The following FERMT2 variants were observed in gnomAD, a reference collection of about 807,000 sequenced individuals.
FERMT2 encodes fermitin family homolog 2.
FERMT2 carries 15 observed loss-of-function variants against 82.7 expected under a neutral mutation model. The observed-to-expected ratio is 0.18, with a 90% CI of 0.12 to 0.28. The LOEUF is 0.28. Among genes scored for constraint, FERMT2 ranks in the 10% least tolerant of loss-of-function variants. FERMT2 has a pLI of 1.00. For synonymous variants in FERMT2, 274 were observed against 271.5 expected (o/e 1.01, Z -0.09); for missense variants, 645 against 809.4 (o/e 0.80, Z 2.46).
chr14:52,945,809 A>G (rs1890324107), intron 2 of FERMT2, among the ~76,000 whole-genome samples: 1 of 152,192 alleles, frequency 6.6e-6, no homozygotes, highest in Non-Finnish European at 1.5e-5. Flanking sequence ...GTTTAAAATG[A>G]ATTTTTATAG....
At chr14:52,896,922 G>A (rs115609819) in intron 3 of FERMT2, among the ~76,000 whole-genome samples, 74 of 151,716 alleles carry the variant, frequency 4.9e-4, no homozygotes, top group Middle Eastern at 3.4e-3. Context: ...CCTGAGCCTG[G>A]AAGCTGCAGT....
intron 2 of FERMT2, among the ~76,000 whole-genome samples, chr14:52,939,387 A>C (rs1467840250): frequency 1.3e-5 from 2 of 151,362 alleles, no homozygotes; most frequent in South Asian, 4.2e-4. Context: ...AAAAAAAAAA[A>C]AAACAAAGAA....
chr14:52,876,835 A>C (rs184060626), intron 7 of FERMT2, among the ~76,000 whole-genome samples: 1 of 152,272 alleles, frequency 6.6e-6, no homozygotes, highest in East Asian at 1.9e-4. Context: ...CAGTTTCCTT[A>C]TTCTGGTACT....
chr14:52,910,086 A>C (rs73304366), intron 3 of FERMT2, among the ~76,000 whole-genome samples: 1,883 of 152,248 alleles, frequency 0.012, 39 homozygotes, highest in African/African-American at 0.042. Context: ...AGAGTAAATA[A>C]AAATCCAATC....
Position 52,950,584 on chromosome 14 carries a change from G to C in FERMT2, c.-9-7C>G, listed in dbSNP as rs747105716. ...CCAGAGCCATGGCTCCTTCCTGCGA[G>C]CGCGGAGGAAATGGCTCTCGTAAGC... On this transcript the variant is annotated splice_region_variant and splice_polypyrimidine_tract_variant and intron_variant, in intron 1 of 14. Transcript: ENST00000341590. 2.5e-6 allele frequency: 4 copies of C among 1,610,214 alleles called. No individual in the cohort carries two copies. The highest frequency in any genetic ancestry group is 3.4e-5 in the Admixed American group (2 of 59,594).
At chr14:52,901,335 G>A (rs566371684) in intron 3 of FERMT2, among the ~76,000 whole-genome samples, 1 of 146,928 alleles carries the variant, frequency 6.8e-6, no homozygotes, top group African/African-American at 2.5e-5. Flanking sequence ...GCCAGCCAAT[G>A]ATTACTAGAC....
intron 2 of FERMT2, among the ~76,000 whole-genome samples, chr14:52,944,236 A>C (rs958284480): frequency 1.3e-5 from 2 of 152,236 alleles, no homozygotes; most frequent in African/African-American, 4.8e-5. Context: ...ACCAAAACTT[A>C]ATTCACTTTA....
intron 3 of FERMT2, among the ~76,000 whole-genome samples, chr14:52,904,889 TAAA>T (rs1887906465): frequency 6.6e-6 from 1 of 151,668 alleles, no homozygotes; most frequent in African/African-American, 2.4e-5. Context: ...ATAGTTATAA[TAAA>T]GAAGAAAGGG....
chr14:52,907,413 G>C (rs368143413), intron 3 of FERMT2, among the ~76,000 whole-genome samples: 9 of 152,268 alleles, frequency 5.9e-5, no homozygotes, highest in African/African-American at 1.7e-4. Context: ...AGAAGAAAAA[G>C]GAGACTACAT....
intron 9 of FERMT2, among the ~76,000 whole-genome samples, chr14:52,873,143 G>A (rs531380912): frequency 1.1e-4 from 16 of 152,258 alleles, no homozygotes; most frequent in South Asian, 4.1e-4. Flanking sequence ...AGCGTTCCGA[G>A]GAGAAAGGCA....
In FERMT2 at chr14:52,858,411, T is replaced by C. The variant is rs764289666; in HGVS notation, c.2009A>G (p.Glu670Gly). ...ACCACTGGTAAGTTTGTAGAACATC[T>C]CTTCATCTAAACTCTCGTTTTGGTC... ...AKDQNESLDE[E>G]MFYKLTSGWV The change falls in exon 15 of 15, where the codon GAG becomes GGG. Residue 670 changes from glutamate to glycine, a missense_variant. Glu to Gly is a moderately conservative substitution (Grantham distance 98). Coordinates refer to ENST00000341590, the MANE Select transcript of FERMT2 (RefSeq NM_006832.3). 3.1e-6 allele frequency: 5 copies of C among 1,614,174 alleles called. No homozygotes were observed. The highest frequency in any genetic ancestry group is 3.3e-5 in the Admixed American group (2 of 60,018).
intron 4 of FERMT2, among the ~76,000 whole-genome samples, chr14:52,892,405 G>T (rs921517987): frequency 2.0e-5 from 3 of 151,094 alleles, no homozygotes; most frequent in African/African-American, 7.3e-5. Context: ...GCCTCCCAAA[G>T]TGCTGGGATT....
chr14:52,875,154 C>A (rs1325439339), intron 8 of FERMT2, 69 bp downstream of exon 8: 2 of 1,368,912 alleles, frequency 1.5e-6, no homozygotes, highest in Non-Finnish European at 1.0e-6. Context: ...ATACTTTGAA[C>A]CTAAATCCAC....
intron 10 of FERMT2, among the ~76,000 whole-genome samples, chr14:52,869,356 C>T (rs1885472054): frequency 6.6e-6 from 1 of 152,162 alleles, no homozygotes; most frequent in Non-Finnish European, 1.5e-5. Context: ...GTTTAAGTGA[C>T]TACTAGGCAG....
At position 52,881,168 on chromosome 14, in the gene FERMT2, C is replaced by T. The variant is rs770064165; in HGVS notation, c.753-30G>A. On this transcript the variant is annotated intron_variant, in intron 5 of 14. Transcript: ENST00000341590. ...ACAAATTAAGAACAGTGGAACAAAA[C>T]AACACAGAATGAAGACAATATTTCT... The T allele has an allele frequency of 8.1e-6, 13 of 1,596,490 alleles. No individual in the cohort carries two copies. The South Asian group carries it at 1.0e-4, about 12-fold the overall frequency.
intron 10 of FERMT2, among the ~76,000 whole-genome samples, chr14:52,869,552 C>G (rs908724673): frequency 2.0e-5 from 3 of 152,212 alleles, no homozygotes; most frequent in Non-Finnish European, 4.4e-5. Context: ...GACACTGTAG[C>G]TGTATCATAG....
chr14:52,892,159 G>GGTTTTTTTTTTTTTTTTTT (rs1555368978), intron 4 of FERMT2, among the ~76,000 whole-genome samples: 7 of 78,760 alleles, frequency 8.9e-5, no homozygotes, highest in African/African-American at 2.7e-4. Context: ...AGAGAAGGCT[G>GGTTTTTTTTTTTTTTTTTT]TTTTTTGTTT....
chr14:52,905,040 T>G (rs1887916898), intron 3 of FERMT2, among the ~76,000 whole-genome samples: 1 of 151,424 alleles, frequency 6.6e-6, no homozygotes, highest in South Asian at 2.1e-4. Flanking sequence ...AAATACAAAA[T>G]TAGCTGGGTG....
Position 52,937,124 on chromosome 14 carries a change from T to C in FERMT2, c.157+13288A>G, listed in dbSNP as rs373199557. On this transcript the variant is annotated intron_variant, in intron 2 of 14. Coordinates refer to ENST00000341590, the MANE Select transcript of FERMT2 (RefSeq NM_006832.3). ...TTGCAGTGAGCTTAGATCGTGCCAC[T>C]GCACTCTAACCTGGGCAACAAAGCA... Among the ~76,000 whole-genome samples the C allele has an allele frequency of 5.9e-5, 9 of 152,104 alleles. No individual in the cohort carries two copies. In the South Asian group the frequency reaches 6.2e-4, roughly 10 times the overall value.
Sources: gnomAD v4.1 joint callset for allele counts (sites outside exome capture counted in the v4.1 genomes callset) on GRCh38, gnomAD v4.1.1 for gene constraint, MANE v1.5 for transcripts, NCBI Gene and HGNC (gene_info 2026-07-23, HGNC 2026-07-21) for gene names.